Variants in TMEM132C observed in about 807,000 individuals in gnomAD.
TMEM132C encodes the protein protein phosphatase 1, regulatory subunit 152.
Under a neutral mutation model 61.4 loss-of-function variants are expected in TMEM132C, and 29 were observed. That is an observed-to-expected ratio of 0.47 (90% CI 0.35 to 0.64). The LOEUF (loss-of-function observed/expected upper bound fraction) is 0.64. Ranked by LOEUF, TMEM132C falls within the 30% of genes least tolerant of loss-of-function variation. The pLI, the probability that TMEM132C is intolerant of heterozygous loss-of-function variation, is 0.00. For synonymous variants in TMEM132C, 656 were observed against 633.1 expected (o/e 1.04, Z -0.54); for missense variants, 1,408 against 1,476.9 (o/e 0.95, Z 0.76).
chr12:128,610,567 T>C (rs1035959476), intron 3 of TMEM132C, among the ~76,000 whole-genome samples: 1 of 152,224 alleles, frequency 6.6e-6, no homozygotes, highest in Non-Finnish European at 1.5e-5. Context: ...GTGATAGTTC[T>C]TGGGTGCTCT....
chr12:128,698,605 ATG>A (rs1311252435), intron 8 of TMEM132C, among the ~76,000 whole-genome samples: 1 of 152,220 alleles, frequency 6.6e-6, no homozygotes, highest in Non-Finnish European at 1.5e-5. Context: ...TGGCTGGCAC[ATG>A]CCAGCCAGTG....
chr12:128,672,525 G>A (rs1363499329), intron 5 of TMEM132C, among the ~76,000 whole-genome samples: 1 of 152,156 alleles, frequency 6.6e-6, no homozygotes. Context: ...AGTATCTTTA[G>A]GGAAATAAAT....
chr12:128,359,115 A>G (rs1873612070), intron 1 of TMEM132C, among the ~76,000 whole-genome samples: 2 of 152,222 alleles, frequency 1.3e-5, no homozygotes, highest in South Asian at 4.1e-4. Flanking sequence ...CTCATGAAGT[A>G]GTGGAGCCCA....
intron 1 of TMEM132C, among the ~76,000 whole-genome samples, chr12:128,347,099 C>T (rs553088292): frequency 2.8e-4 from 42 of 152,162 alleles, no homozygotes; most frequent in African/African-American, 9.6e-4. Context: ...CCCCTGAGTC[C>T]CCAAAGTCTG....
chr12:128,656,889 A>G (rs1185899988), intron 4 of TMEM132C, among the ~76,000 whole-genome samples: 1 of 152,138 alleles, frequency 6.6e-6, no homozygotes, highest in Non-Finnish European at 1.5e-5. Context: ...ATCTTGCTCT[A>G]TTTCCTCCAG....
chr12:128,341,640 T>C (rs1167002888), intron 1 of TMEM132C, among the ~76,000 whole-genome samples: 3 of 152,174 alleles, frequency 2.0e-5, no homozygotes, highest in South Asian at 2.1e-4. Context: ...GACAGTGAAC[T>C]TGAAAGGAAT....
At chr12:128,483,932 C>T (rs1180550077) in intron 2 of TMEM132C, among the ~76,000 whole-genome samples, 2 of 152,190 alleles carry the variant, frequency 1.3e-5, no homozygotes, top group Non-Finnish European at 1.5e-5. Flanking sequence ...TTACACTCTA[C>T]ATTGCTGTGA....
At chr12:128,597,149 C>T (rs1019628026) in intron 3 of TMEM132C, among the ~76,000 whole-genome samples, 3 of 152,106 alleles carry the variant, frequency 2.0e-5, no homozygotes, top group Non-Finnish European at 4.4e-5. Flanking sequence ...TTTATAGGAG[C>T]GTTGGTTAAT....
intron 1 of TMEM132C, among the ~76,000 whole-genome samples, chr12:128,376,300 A>G (rs986605396): frequency 6.6e-6 from 1 of 152,220 alleles, no homozygotes; most frequent in Non-Finnish European, 1.5e-5. Flanking sequence ...TCAGGGTCCA[A>G]ATTTTGAAAC....
At chr12:128,634,862 T>A (rs1954089980) in intron 4 of TMEM132C, among the ~76,000 whole-genome samples, 1 of 152,240 alleles carries the variant, frequency 6.6e-6, no homozygotes, top group South Asian at 2.1e-4. Context: ...ATTATTAGCT[T>A]AAGATTCATG....
intron 2 of TMEM132C, among the ~76,000 whole-genome samples, chr12:128,520,587 C>CT (rs1872875182): frequency 6.6e-6 from 1 of 152,154 alleles, no homozygotes; most frequent in African/African-American, 2.4e-5. Context: ...CAAGATCATT[C>CT]TTTGTTGGAG....
At chr12:128,539,469 T>A (rs1312490961) in intron 2 of TMEM132C, among the ~76,000 whole-genome samples, 1 of 152,058 alleles carries the variant, frequency 6.6e-6, no homozygotes, top group Non-Finnish European at 1.5e-5. Context: ...ACAAAAAAAA[T>A]TAGCTGGGCG....
At position 128,415,039 on chromosome 12, in the gene TMEM132C, A is replaced by G; in HGVS notation, c.393A>G (p.Leu131=). The change falls in exon 2 of 9, where the codon CTA becomes CTG. Residue 131 remains leucine (L), a synonymous_variant. Transcript: ENST00000435159. The surrounding 1 kb of genome is among the most constrained non-coding windows in gnomAD (Gnocchi z 5.8). ...PTNKFSFDWK[L]KAHILRDKVY... is the part of the protein sequence containing the mutation. ...ATAAGTTTAGTTTTGATTGGAAACT[A>G]AAAGCCCACATCCTGCGGGACAAAG... 1 of 1,576,060 alleles carries G rather than the reference A, an allele frequency of 6.3e-7. No individual in the cohort carries two copies. The highest frequency in any genetic ancestry group is 8.6e-7 in the Non-Finnish European group (1 of 1,160,442).
intron 3 of TMEM132C, among the ~76,000 whole-genome samples, chr12:128,566,045 A>G (rs1874686948): frequency 6.6e-6 from 1 of 152,082 alleles, no homozygotes; most frequent in Admixed American, 6.6e-5. Context: ...GTGTGCCACC[A>G]TGCCCAGATA....
chr12:128,373,853 C>A (rs1874100336), intron 1 of TMEM132C, among the ~76,000 whole-genome samples: 1 of 152,180 alleles, frequency 6.6e-6, no homozygotes, highest in Non-Finnish European at 1.5e-5. Flanking sequence ...CAGGGAGATG[C>A]AGGGGCAAGG....
chr12:128,705,029 G>C, intron 8 of TMEM132C, 61 bp from the exon 9 acceptor site: 1 of 1,457,898 alleles, frequency 6.9e-7, no homozygotes, highest in Admixed American at 2.6e-5. Flanking sequence ...CCTCCTAGGA[G>C]GGGGTTTCTA....
intron 2 of TMEM132C, among the ~76,000 whole-genome samples, chr12:128,504,043 TC>T (rs1290630983): frequency 2.0e-5 from 3 of 151,998 alleles, no homozygotes; most frequent in African/African-American, 7.2e-5. Flanking sequence ...CTTTCCTCTC[TC>T]CCCCTCTCCC....
chr12:128,660,782 C>T lies in TMEM132C; in HGVS notation c.1306-8635C>T, dbSNP rs182197867. On this transcript the variant is annotated intron_variant, in intron 4 of 8. Transcript: ENST00000435159. ...ACAAGCCCTGAACCTCCACGGCCAC[C>T]GTGAGCCAGGCACGGTAATTACAGT... is the stretch of plus-strand genomic sequence containing the variant. Among the ~76,000 whole-genome samples the T allele has an allele frequency of 1.5e-3, 230 of 152,252 alleles. 1 individual carries two copies. Among genetic ancestry groups the T allele is most frequent in the African/African-American group, 5.3e-3 (221 of 41,540 alleles).
chr12:128,695,360 A>T (rs1954751702), intron 6 of TMEM132C, among the ~76,000 whole-genome samples: 1 of 149,146 alleles, frequency 6.7e-6, no homozygotes, highest in Non-Finnish European at 1.5e-5. Flanking sequence ...TCTCTACAGA[A>T]TTTTTTTTTT....
Sources: gnomAD v4.1 joint callset for allele counts (sites outside exome capture counted in the v4.1 genomes callset) on GRCh38, gnomAD v4.1.1 for gene constraint, Gnocchi (gnomAD v3.1) non-coding constraint, MANE v1.5 for transcripts, NCBI Gene and HGNC (gene_info 2026-07-23, HGNC 2026-07-21) for gene names.